ZFPM1: variants seen among roughly 807,000 people sequenced by gnomAD.
The protein encoded by ZFPM1 is zinc finger protein, FOG family member 1, also known as zinc finger protein ZFPM1.
Under a neutral mutation model 46.3 loss-of-function variants are expected in ZFPM1, and 28 were observed. The observed-to-expected ratio is 0.60, with a 90% confidence interval of 0.45 to 0.83. ZFPM1 has a LOEUF of 0.83. ZFPM1 is among the 40% of genes least tolerant of loss of function. The pLI is 0.00. For missense variants in ZFPM1, 1,878 were observed against 1,432.4 expected (o/e 1.31, Z -5.02); for synonymous variants, 957 against 675.9 (o/e 1.42, Z -6.45).
At chr16:88,472,001 G>A (rs560410488) in intron 1 of ZFPM1, among the ~76,000 whole-genome samples, 9 of 152,344 alleles carry the variant, frequency 5.9e-5, no homozygotes, top group Admixed American at 1.3e-4. Context: ...GTAGGAGCCC[G>A]GCAGGGCCAA....
Position 88,534,844 on chromosome 16 carries a change from G to A in ZFPM1, c.2886G>A (p.Lys962=). The change falls in exon 10 of 10, where the codon AAG becomes AAA. Residue 962 remains lysine, a synonymous_variant. Transcript: ENST00000319555. ...YSDKGVQTPS[K]GTPAPLPNGN... is the part of the protein sequence containing the mutation. ...ACAAGGGCGTCCAGACTCCCAGCAA[G>A]GGCACGCCGGCGCCGCTGCCCAACG... 6.4e-7 allele frequency: 1 copy of A among 1,558,372 alleles called. No homozygotes were observed. The highest frequency in any genetic ancestry group is 1.2e-5 in the South Asian group (1 of 86,586).
chr16:88,514,949 G>A (rs1911205053), intron 4 of ZFPM1, among the ~76,000 whole-genome samples: 1 of 152,166 alleles, frequency 6.6e-6, no homozygotes, highest in Non-Finnish European at 1.5e-5. Flanking sequence ...CGGCCGTCAG[G>A]CCCATGGTCT....
intron 4 of ZFPM1, among the ~76,000 whole-genome samples, chr16:88,523,951 A>G (rs901878943): frequency 1.3e-5 from 2 of 152,044 alleles, no homozygotes; most frequent in Admixed American, 1.3e-4. Flanking sequence ...TCCACTCGGG[A>G]CCGCCACAGA....
chr16:88,503,434 C>T lies in ZFPM1; in HGVS notation c.269-10953C>T, dbSNP rs1283355519. 4.6e-5 allele frequency among the ~76,000 whole-genome samples: 6 copies of T among 130,306 alleles called. 1 individual carries two copies. The highest frequency in any genetic ancestry group is 4.7e-4 in the East Asian group (2 of 4,266). 85.5% of individuals were successfully genotyped at this position (130,306 alleles called of 152,430 possible). On this transcript the variant is annotated intron_variant, in intron 3 of 9. Transcript: ENST00000319555. ...TCTGTGTCTGGGGGGCCCACGGTTCCGGAGTGGAGGGATCTGTGTCTGGGG... is the reference window on the plus strand; with the variant it reads ...TCTGTGTCTGGGGGGCCCACGGTTCTGGAGTGGAGGGATCTGTGTCTGGGG...
chr16:88,489,452 A>C (rs1597245460), intron 3 of ZFPM1: 5 of 340,698 alleles, frequency 1.5e-5, no homozygotes, highest in South Asian at 1.1e-4. Flanking sequence ...CTGGTAAAGA[A>C]TCCTCAGAGG....
chr16:88,458,626 C>T (rs1907663032), intron 1 of ZFPM1, among the ~76,000 whole-genome samples: 1 of 152,238 alleles, frequency 6.6e-6, no homozygotes, highest in Admixed American at 6.5e-5. Flanking sequence ...CTGGAGGCAG[C>T]TGTTGCCTGG....
intron 1 of ZFPM1, among the ~76,000 whole-genome samples, chr16:88,462,643 C>G (rs1907951096): frequency 6.6e-6 from 1 of 152,212 alleles, no homozygotes; most frequent in Non-Finnish European, 1.5e-5. Flanking sequence ...CCGGGAGCTT[C>G]CCTGTGGGCC....
intron 1 of ZFPM1, among the ~76,000 whole-genome samples, chr16:88,464,348 A>G (rs1181127610): frequency 6.6e-6 from 1 of 152,148 alleles, no homozygotes; most frequent in Non-Finnish European, 1.5e-5. Context: ...GGCCCTGGAT[A>G]TGCTCCCAGA....
Position 88,526,864 on chromosome 16 carries a change from G to T in ZFPM1, c.453G>T (p.Thr151=). 6.4e-7 allele frequency: 1 copy of T among 1,555,842 alleles called. No homozygotes were observed. Among genetic ancestry groups the T allele is most frequent in the Non-Finnish European group, 8.7e-7 (1 of 1,148,850 alleles). ...TGGACGAGGCCTGCTGGCTGAGGAC[G>T]CTGCCCCAGGCCCTGACTGAGGCCG... ...LLVDEACWLR[T]LPQALTEAEA... The change falls in exon 5 of 10, where the codon ACG becomes ACT. Residue 151 remains threonine (T), a synonymous_variant. Coordinates refer to ENST00000319555, the MANE Select transcript of ZFPM1 (RefSeq NM_153813.3).
intron 1 of ZFPM1, among the ~76,000 whole-genome samples, chr16:88,472,604 A>C (rs940310903): frequency 6.6e-6 from 1 of 152,146 alleles, no homozygotes; most frequent in African/African-American, 2.4e-5. Flanking sequence ...TGCCCGCCTC[A>C]GCCTCCCAAA....
At position 88,534,370 on chromosome 16, in the gene ZFPM1, G is replaced by C. The variant is rs748997879; in HGVS notation, c.2412G>C (p.Pro804=). The C allele has an allele frequency of 7.0e-6, 10 of 1,436,060 alleles. No individual in the cohort carries two copies. The highest frequency in any genetic ancestry group is 9.1e-6 in the Non-Finnish European group (10 of 1,099,408). 89.0% of individuals were successfully genotyped at this position (1,436,060 alleles called of 1,614,324 possible). Residue 804 remains proline, a synonymous_variant, in exon 10 of 10, where the codon CCG becomes CCC. Transcript: ENST00000319555. ...PIDLSKKPRR[P]LPGAPAPALA... is the part of the protein sequence containing the mutation. Reference sequence around the variant, plus strand: ...ACCTGAGCAAGAAGCCGCGGCGCCCGCTCCCCGGAGCCCCGGCACCGGCGC... The same window carrying C: ...ACCTGAGCAAGAAGCCGCGGCGCCCCCTCCCCGGAGCCCCGGCACCGGCGC...
chr16:88,479,393 G>C (rs12920421), intron 1 of ZFPM1, among the ~76,000 whole-genome samples: 60,711 of 151,970 alleles, frequency 0.4, 12,480 homozygotes, highest in East Asian at 0.55. Flanking sequence ...GGCGCCGCTT[G>C]GCTGGAGGTC....
chr16:88,526,287 G>A (rs1364805714), intron 4 of ZFPM1, among the ~76,000 whole-genome samples: 1 of 152,222 alleles, frequency 6.6e-6, no homozygotes, highest in Non-Finnish European at 1.5e-5. Context: ...GGTTGCTAGG[G>A]AAGTGCCGTA....
rs371723759 is a variant in ZFPM1 at position 88,479,779 on chromosome 16, C to T, written c.41-6160C>T. ...TCTTTCTCTTCTGCCTCCCCAGCCC[C>T]ACCCCTCTCCCATCTCCCCATCCCA... is the stretch of plus-strand genomic sequence containing the variant. On this transcript the variant is annotated intron_variant, in intron 1 of 9. Coordinates refer to ENST00000319555, the MANE Select transcript of ZFPM1 (RefSeq NM_153813.3). 1.1e-4 allele frequency among the ~76,000 whole-genome samples: 16 copies of T among 148,828 alleles called. No individual in the cohort carries two copies. The East Asian group carries it at 2.0e-3, about 19-fold the overall frequency.
chr16:88,497,081 G>A lies in ZFPM1; in HGVS notation c.268+7928G>A, dbSNP rs2142392276. Among the ~76,000 whole-genome samples the A allele has an allele frequency of 6.6e-6, 1 of 152,228 alleles. No homozygotes were observed. Among genetic ancestry groups the A allele is most frequent in the East Asian group, 1.9e-4 (1 of 5,196 alleles). ...CCTGGAGCTCTCCCAGGACCACTAT[G>A]GACAAGGTGAATTCCAGCTGATCAC... On this transcript the variant is annotated intron_variant, in intron 3 of 9. Coordinates refer to ENST00000319555, the MANE Select transcript of ZFPM1 (RefSeq NM_153813.3). The surrounding 1 kb of genome is among the most constrained non-coding windows in gnomAD (Gnocchi z 5.4).
At chr16:88,459,762 T>TCTCCCC (rs1438988143) in intron 1 of ZFPM1, among the ~76,000 whole-genome samples, 543 of 28,748 alleles carry the variant, frequency 0.019, 51 homozygotes, top group African/African-American at 0.11. Flanking sequence ...TCCTCCTCCC[T>TCTCCCC]CTCCCCCTCC....
Position 88,489,198 on chromosome 16 carries a change from G to T in ZFPM1, c.268+45G>T, listed in dbSNP as rs749936248. 4.6e-5 allele frequency: 71 copies of T among 1,541,850 alleles called. No individual in the cohort carries two copies. The Admixed American group carries it at 1.4e-3, about 30-fold the overall frequency. The stretch of plus-strand genomic sequence containing the variant: ...GGGCAGCAGCATCGCCTCCCGGGCA[G>T]CCTGGCCCGGCCCCTGGGAGCAGGG... On this transcript the variant is annotated intron_variant, in intron 3 of 9. Transcript: ENST00000319555.
chr16:88,514,338 G>A (rs1396967495), intron 3 of ZFPM1, 49 bp from the exon 4 acceptor site: 1 of 1,549,134 alleles, frequency 6.5e-7, no homozygotes. Context: ...AGGTGGGCTG[G>A]ACAGGCCCCA....
intron 1 of ZFPM1, among the ~76,000 whole-genome samples, chr16:88,461,163 A>AGGACCGAGGGGAGGGGCGGGAGG (rs1907850812): frequency 2.5e-5 from 1 of 39,856 alleles, no homozygotes; most frequent in Non-Finnish European, 4.4e-5. Context: ...GGGGCGGGAG[A>AGGACCGAGGGGAGGGGCGGGAGG]CCTGGTGAGG....
Sources: allele counts gnomAD v4.1 joint callset (sites outside exome capture counted in the v4.1 genomes callset), GRCh38; gene constraint gnomAD v4.1.1; non-coding constraint Gnocchi (gnomAD v3.1); transcripts MANE v1.5; gene names NCBI Gene and HGNC (gene_info 2026-07-23, HGNC 2026-07-21).